The following TDRD12 variants were observed in gnomAD, a reference collection of about 807,000 sequenced individuals.
The protein encoded by TDRD12 is putative ATP-dependent RNA helicase TDRD12.
In TDRD12, 158 loss-of-function variants were observed where a neutral mutation model predicts 133.5. The observed-to-expected ratio is 1.18, with a 90% CI of 1.04 to 1.35. The LOEUF (loss-of-function observed/expected upper bound fraction) is 1.35. Among genes scored for constraint, TDRD12 ranks in the 40% most tolerant of loss-of-function variants. TDRD12 has a pLI of 0.00. For synonymous variants in TDRD12, 460 were observed against 477.9 expected, an observed-to-expected ratio of 0.96 and a Z score of 0.49; for missense variants, 1,443 against 1,321.3, an observed-to-expected ratio of 1.09 and a Z score of -1.43.
At position 32,753,653 on chromosome 19, in the gene TDRD12, G is replaced by A. The variant is rs144708703; in HGVS notation, c.583-2339G>A. On this transcript the variant is annotated intron_variant, in intron 6 of 27. Transcript: ENST00000444215. ...TGAGTAGCTGGGACTACAGGTGCCC[G>A]CCATCACACCTGGCTAATTTTTTTT... 8.0e-3 allele frequency among the ~76,000 whole-genome samples: 1,194 copies of A among 149,472 alleles called. 15 individuals are homozygous for A. The highest frequency in any genetic ancestry group is 0.028 in the African/African-American group (1,129 of 40,586).
At chr19:32,818,219 G>T in intron 27 of TDRD12, 62 bp downstream of exon 27, 1 of 671,752 alleles carries the variant, frequency 1.5e-6, no homozygotes, top group East Asian at 2.7e-5. Context: ...CATGTGTGAG[G>T]GGGACAGTGC....
At chr19:32,794,695 G>A (rs759902554) in exon 14 of TDRD12, 44 of 702,992 alleles carry the variant, frequency 6.3e-5, no homozygotes, top group African/African-American at 1.6e-4. Context: ...CCCATAGCGC[G>A]TGGCTGTGAT....
intron 21 of TDRD12, among the ~76,000 whole-genome samples, chr19:32,806,147 T>C (rs188910926): frequency 7.9e-5 from 12 of 152,284 alleles, no homozygotes; most frequent in East Asian, 3.9e-4. Flanking sequence ...TTGACAGTCA[T>C]GGGGCTTCTC....
chr19:32,801,036 A>G (rs767012445), intron 18 of TDRD12, among the ~76,000 whole-genome samples: 4 of 152,032 alleles, frequency 2.6e-5, no homozygotes, highest in Non-Finnish European at 5.9e-5. Flanking sequence ...GTGGAGTATT[A>G]AAAGTATCAA....
intron 22 of TDRD12, among the ~76,000 whole-genome samples, 161 bp downstream of exon 22, chr19:32,807,809 C>G (rs1266623705): frequency 6.6e-6 from 1 of 152,206 alleles, no homozygotes; most frequent in Middle Eastern, 3.2e-3. Context: ...CCTTACAAGG[C>G]GCCTTATTTC....
In TDRD12 at chr19:32,818,230, A is replaced by G. The variant is rs574213945; in HGVS notation, c.3383+73A>G. The G allele has an allele frequency of 9.2e-5, 60 of 652,076 alleles. No individual in the cohort carries two copies. In the South Asian group the frequency reaches 9.9e-4, roughly 11 times the overall value. The allele number at this position is 652,076 out of a possible 1,614,324, so 40.4% of individuals were successfully genotyped here. On this transcript the variant is annotated intron_variant, in intron 27 of 27. Coordinates refer to ENST00000444215, the Ensembl canonical transcript of TDRD12. ...GGGCCATGTGTGAGGGGGACAGTGC[A>G]TGGGGACACCTGGGAGGAGTCTCCA...
At chr19:32,721,159 G>C (rs1025252780) in intron 1 of TDRD12, among the ~76,000 whole-genome samples, 1 of 152,080 alleles carries the variant, frequency 6.6e-6, no homozygotes, top group Non-Finnish European at 1.5e-5. Context: ...TCTAGTCCTC[G>C]GGGAAGGGAC....
intron 8 of TDRD12, among the ~76,000 whole-genome samples, chr19:32,766,200 A>G (rs1292652209): frequency 1.3e-5 from 2 of 152,130 alleles, no homozygotes; most frequent in African/African-American, 4.8e-5. Context: ...AATCATTTCT[A>G]TTTAGTGCTA....
rs1163074616 is a variant in TDRD12 at position 32,741,663 on chromosome 19, CCTGT to C, written c.321-1114_321-1111del. The stretch of plus-strand genomic sequence containing the variant: ...CATGGGTGCAGCCACCTTTCCCTAA[CCTGT>C]CTGAGACAGAAGATGGCCAGGCTGC... On this transcript the variant is annotated intron_variant, in intron 3 of 27. Transcript: ENST00000444215. 2.0e-5 allele frequency among the ~76,000 whole-genome samples: 3 copies of C among 152,170 alleles called. No individual in the cohort carries two copies. In the East Asian group the frequency reaches 5.8e-4, roughly 29 times the overall value.
intron 4 of TDRD12, among the ~76,000 whole-genome samples, chr19:32,745,487 A>G (rs1488339879): frequency 6.6e-6 from 1 of 152,240 alleles, no homozygotes; most frequent in Non-Finnish European, 1.5e-5. Flanking sequence ...GGGTATGGAA[A>G]GCACTGTTAT....
Position 32,720,668 on chromosome 19 carries a change from C to T in TDRD12, c.24+572C>T. Among the ~76,000 whole-genome samples the T allele has an allele frequency of 1.5e-4, 2 of 13,374 alleles. 1 individual carries two copies. The highest frequency in any genetic ancestry group is 6.7e-3 in the East Asian group (2 of 298). 8.8% of individuals were successfully genotyped at this position (13,374 alleles called of 152,430 possible). On this transcript the variant is annotated intron_variant, in intron 1 of 27. Coordinates refer to ENST00000444215, the Ensembl canonical transcript of TDRD12. The stretch of plus-strand genomic sequence containing the variant: ...CCCTGTCCCCACCCCATCCTTATTC[C>T]CACCGCCCCCACTCACACCTCCACC...
At chr19:32,754,669 C>CT (rs35714049) in intron 6 of TDRD12, among the ~76,000 whole-genome samples, 1,379 of 69,772 alleles carry the variant, frequency 0.02, 5 homozygotes, top group Non-Finnish European at 0.023. Flanking sequence ...ATGACTCTAT[C>CT]TTTTTTTTTT....
chr19:32,739,212 C>T (rs1484577955), intron 3 of TDRD12, among the ~76,000 whole-genome samples: 2 of 152,188 alleles, frequency 1.3e-5, no homozygotes, highest in Non-Finnish European at 2.9e-5. Flanking sequence ...GGCTCTGGCC[C>T]TCTCCCACTG....
At chr19:32,827,377 T>TTTTC (rs1568504153) in exon 10 of TDRD12, 17 of 151,708 alleles carry the variant, frequency 1.1e-4, no homozygotes, top group African/African-American at 6.0e-4. Context: ...CTTTTCTTTT[T>TTTTC]TTTTTTTTTT....
At chr19:32,783,371 G>T (rs1970821669) in intron 11 of TDRD12, among the ~76,000 whole-genome samples, 1 of 152,178 alleles carries the variant, frequency 6.6e-6, no homozygotes, top group Non-Finnish European at 1.5e-5. Context: ...CCGTAGCCTT[G>T]TAGTAAAGTT....
intron 4 of TDRD12, among the ~76,000 whole-genome samples, chr19:32,744,950 G>GC (rs1004348135): frequency 1.3e-5 from 2 of 152,152 alleles, no homozygotes; most frequent in Admixed American, 6.5e-5. Context: ...ACTCACCCCA[G>GC]CCCCCACAGT....
Position 32,772,736 on chromosome 19 carries a change from C to A in TDRD12, c.866-17C>A. On this transcript the variant is annotated splice_polypyrimidine_tract_variant and intron_variant, in intron 8 of 27. Coordinates refer to ENST00000444215, the Ensembl canonical transcript of TDRD12. ...ACTTTTTGGTGTAGCTTTTTTATTA[C>A]CATTTTTATTTTGCAGACAAAGCTG... 7.0e-7 allele frequency: 1 copy of A among 1,431,582 alleles called. No homozygotes were observed. The highest frequency in any genetic ancestry group is 9.3e-7 in the Non-Finnish European group (1 of 1,074,794). The allele number at this position is 1,431,582 out of a possible 1,614,324, so 88.7% of individuals were successfully genotyped here.
intron 21 of TDRD12, among the ~76,000 whole-genome samples, chr19:32,804,726 C>G (rs994755744): frequency 2.1e-4 from 31 of 150,644 alleles, no homozygotes; most frequent in African/African-American, 7.6e-4. Flanking sequence ...GGTGTGGTGG[C>G]ACACACCTGT....
intron 5 of TDRD12, among the ~76,000 whole-genome samples, chr19:32,749,384 A>C (rs1047285643): frequency 6.6e-6 from 1 of 152,164 alleles, no homozygotes; most frequent in Non-Finnish European, 1.5e-5. Context: ...CAGCGAAAGA[A>C]GGTTTCTAAA....
Sources: gnomAD v4.1 joint callset for allele counts (sites outside exome capture counted in the v4.1 genomes callset) on GRCh38, gnomAD v4.1.1 for gene constraint, MANE v1.5 for transcripts, NCBI Gene and HGNC (gene_info 2026-07-23, HGNC 2026-07-21) for gene names.